Variants in TTC3 observed in about 807,000 individuals in gnomAD.
TTC3 encodes E3 ubiquitin-protein ligase TTC3.
Under a neutral mutation model 249.6 loss-of-function variants are expected in TTC3, and 180 were observed. That is an observed-to-expected ratio of 0.72 (90% CI 0.64 to 0.82). TTC3 has a LOEUF of 0.82. Ranked by LOEUF, TTC3 falls within the 40% of genes least tolerant of loss-of-function variation. The probability of loss-of-function intolerance (pLI) is 0.00; values close to 1 mark genes in which losing one functional copy is unlikely to be tolerated. For synonymous variants in TTC3, 717 were observed against 805.0 expected (o/e 0.89, Z 1.85); for missense variants, 2,061 against 2,398.4 (o/e 0.86, Z 2.94).
At chr21:37,135,572 G>A in intron 18 of TTC3, 58 bp downstream of exon 18, 2 of 1,568,096 alleles carry the variant, frequency 1.3e-6, no homozygotes, top group Non-Finnish European at 1.7e-6. Flanking sequence ...GATGAATGCA[G>A]AAGAGAACCA....
intron 17 of TTC3, among the ~76,000 whole-genome samples, chr21:37,133,274 C>A (rs1885675110): frequency 6.6e-6 from 1 of 151,968 alleles, no homozygotes; most frequent in Non-Finnish European, 1.5e-5. Flanking sequence ...ATATAAAATT[C>A]TTTTTACGTT....
chr21:37,097,164 A>G (rs1298340751), intron 10 of TTC3, among the ~76,000 whole-genome samples: 2 of 152,204 alleles, frequency 1.3e-5, no homozygotes, highest in Non-Finnish European at 2.9e-5. Flanking sequence ...TAATATTATG[A>G]GAGTGGAGTC....
intron 6 of TTC3, 94 bp downstream of exon 6, chr21:37,090,380 A>G: frequency 3.4e-6 from 4 of 1,166,332 alleles, no homozygotes; most frequent in South Asian, 2.9e-5. Flanking sequence ...CATACACTCA[A>G]TGTTCTATAT....
At chr21:37,105,229 G>A (rs2074960492) in intron 10 of TTC3, among the ~76,000 whole-genome samples, 1 of 152,174 alleles carries the variant, frequency 6.6e-6, no homozygotes, top group Admixed American at 6.5e-5. Context: ...GTTGAGAAAT[G>A]CAAGGAAATG....
chr21:37,081,953 C>T (rs907182691), intron 1 of TTC3: 29 of 151,778 alleles, frequency 1.9e-4, no homozygotes, highest in Admixed American at 1.6e-3. Flanking sequence ...CAAGCTCCGC[C>T]TCCCGGGTTC....
chr21:37,156,734 C>G (rs748520789), exon 28 of TTC3: 15 of 1,613,888 alleles, frequency 9.3e-6, no homozygotes, highest in Admixed American at 3.3e-5. Flanking sequence ...TGACTTTCCT[C>G]TGGAATGAGA....
chr21:37,092,946 T>C (rs565962586), intron 7 of TTC3, among the ~76,000 whole-genome samples: 1 of 152,296 alleles, frequency 6.6e-6, no homozygotes, highest in South Asian at 2.1e-4. Flanking sequence ...AACTTCTCAT[T>C]GTAACATTTT....
intron 11 of TTC3, among the ~76,000 whole-genome samples, chr21:37,112,352 AG>A (rs1251710875): frequency 6.6e-6 from 1 of 152,212 alleles, no homozygotes; most frequent in African/African-American, 2.4e-5. Flanking sequence ...AACATGACAA[AG>A]GGGGGATCAT....
At chr21:37,109,959 G>C (rs1446179544) in intron 11 of TTC3, among the ~76,000 whole-genome samples, 1 of 152,204 alleles carries the variant, frequency 6.6e-6, no homozygotes, top group African/African-American at 2.4e-5. Context: ...AGGGTCTCGA[G>C]TGGACCTCCA....
At chr21:37,127,766 A>G (rs1391981307) in intron 15 of TTC3, among the ~76,000 whole-genome samples, 2 of 152,212 alleles carry the variant, frequency 1.3e-5, no homozygotes, top group East Asian at 3.9e-4. Flanking sequence ...TGTGACCTGC[A>G]GCTCCATGTT....
intron 11 of TTC3, among the ~76,000 whole-genome samples, chr21:37,118,406 A>G (rs769756881): frequency 1.3e-4 from 20 of 152,182 alleles, no homozygotes; most frequent in Non-Finnish European, 2.8e-4. Context: ...AGAATGAGTC[A>G]TTTGTCCTGA....
At chr21:37,165,705 T>C (rs142181609) in exon 33 of TTC3, 8 of 1,613,660 alleles carry the variant, frequency 5.0e-6, no homozygotes, top group Non-Finnish European at 6.8e-6. Context: ...CGTTTTGTTG[T>C]GATTGACAAC....
chr21:37,169,847 CAA>C (rs58976598), intron 34 of TTC3, among the ~76,000 whole-genome samples: 1 of 115,806 alleles, frequency 8.6e-6, no homozygotes. Context: ...GACTCTGTCT[CAA>C]AAAAAAAAAA....
intron 31 of TTC3, 45 bp from the exon 32 acceptor site, chr21:37,164,006 G>GTCTA: frequency 6.4e-7 from 1 of 1,574,662 alleles, no homozygotes; most frequent in Non-Finnish European, 8.6e-7. Flanking sequence ...TAAACCAAAG[G>GTCTA]TCTATCATCC....
At chr21:37,161,320 G>T (rs1196940629) in intron 30 of TTC3, among the ~76,000 whole-genome samples, 1 of 152,108 alleles carries the variant, frequency 6.6e-6, no homozygotes, top group Non-Finnish European at 1.5e-5. Flanking sequence ...CTCTCACCCA[G>T]GCTGGAGAGC....
intron 35 of TTC3, among the ~76,000 whole-genome samples, chr21:37,173,982 A>T (rs2082023480): frequency 6.6e-6 from 1 of 152,222 alleles, no homozygotes; most frequent in Non-Finnish European, 1.5e-5. Context: ...AGGAAACTTC[A>T]GTTTTAATTC....
intron 16 of TTC3, among the ~76,000 whole-genome samples, chr21:37,131,871 G>A (rs989284349): frequency 6.6e-6 from 1 of 152,114 alleles, no homozygotes; most frequent in African/African-American, 2.4e-5. Flanking sequence ...ACTCCACATC[G>A]AGTGCCTCAG....
At chr21:37,121,219 G>T (rs928325243) in intron 11 of TTC3, 1 of 152,168 alleles carries the variant, frequency 6.6e-6, no homozygotes, top group African/African-American at 2.4e-5. Flanking sequence ...TAAATCCCTG[G>T]TTTTTGGTTT....
chr21:37,181,566 T>C (rs1258120894), intron 35 of TTC3, among the ~76,000 whole-genome samples: 2 of 152,266 alleles, frequency 1.3e-5, no homozygotes, highest in African/African-American at 4.8e-5. Flanking sequence ...TGGGAAGAAC[T>C]GGTTCCTATG....
Sources: gnomAD v4.1 joint callset for allele counts (sites outside exome capture counted in the v4.1 genomes callset) on GRCh38, gnomAD v4.1.1 for gene constraint, MANE v1.5 for transcripts, NCBI Gene and HGNC (gene_info 2026-07-23, HGNC 2026-07-21) for gene names.